The following DACH1 variants were observed in gnomAD, a reference collection of about 807,000 sequenced individuals.
DACH1 encodes dachshund family transcription factor 1.
In DACH1, 12 loss-of-function variants were observed where a neutral mutation model predicts 54.2. That is an observed-to-expected ratio of 0.22 (90% confidence interval 0.14 to 0.36). The LOEUF (loss-of-function observed/expected upper bound fraction) is 0.36, where lower values mean the gene tolerates loss of function less well. Ranked by LOEUF, DACH1 falls within the 10% of genes least tolerant of loss-of-function variation. The pLI, the probability that DACH1 is intolerant of heterozygous loss-of-function variation, is 1.00. For synonymous variants in DACH1, 386 were observed against 366.2 expected (o/e 1.05, Z -0.62); for missense variants, 805 against 929.8 (o/e 0.87, Z 1.75).
chr13:71,581,563 ATTC>A (rs1176887688), intron 3 of DACH1, among the ~76,000 whole-genome samples: 2 of 152,180 alleles, frequency 1.3e-5, no homozygotes, highest in Non-Finnish European at 2.9e-5. Context: ...CCTAATTATT[ATTC>A]TTAACTGTAA....
chr13:71,523,085 G>A (rs1881718656), intron 6 of DACH1, among the ~76,000 whole-genome samples: 1 of 152,058 alleles, frequency 6.6e-6, no homozygotes, highest in Non-Finnish European at 1.5e-5. Context: ...CTCATTTCCA[G>A]GTTATTTTTT....
chr13:71,699,715 A>G (rs1160890456), intron 1 of DACH1, among the ~76,000 whole-genome samples: 2 of 152,240 alleles, frequency 1.3e-5, no homozygotes, highest in Non-Finnish European at 2.9e-5. Context: ...GTCTTCACAC[A>G]AAACTTTTCA....
intron 1 of DACH1, among the ~76,000 whole-genome samples, chr13:71,695,242 A>T (rs546982593): frequency 4.6e-5 from 7 of 152,294 alleles, no homozygotes; most frequent in African/African-American, 1.7e-4. Context: ...AGGACCTTAG[A>T]TCTGATGACT....
intron 1 of DACH1, among the ~76,000 whole-genome samples, chr13:71,735,890 A>T (rs4884957): frequency 0.015 from 2,322 of 152,014 alleles, 41 homozygotes; most frequent in African/African-American, 0.04. Context: ...AAGGATTTGA[A>T]CCAGATTGTG....
chr13:71,442,247 T>C (rs1220186051), intron 10 of DACH1, among the ~76,000 whole-genome samples: 1 of 152,108 alleles, frequency 6.6e-6, no homozygotes, highest in East Asian at 1.9e-4. Context: ...ACAAATTTAA[T>C]GGTTTTAATT....
rs138298351 is a variant in DACH1, at chr13:71,459,989, T to C, written c.2083+15152A>G. On this transcript the variant is annotated intron_variant, in intron 10 of 10. Coordinates refer to ENST00000613252, the MANE Select transcript of DACH1 (RefSeq NM_080759.6). ...ATAAAATAACATGCAAAGGAACCAC[T>C]AGGCTATGAGAATTCACAGCCCTTC... Among the ~76,000 whole-genome samples the C allele has an allele frequency of 2.0e-4, 31 of 152,158 alleles. No homozygotes were observed. The East Asian group carries it at 6.0e-3, about 29-fold the overall frequency.
chr13:71,636,873 A>G (rs1377673993), intron 2 of DACH1, among the ~76,000 whole-genome samples: 2 of 152,190 alleles, frequency 1.3e-5, no homozygotes, highest in Admixed American at 1.3e-4. Flanking sequence ...TCATATTACT[A>G]TCTGAATTAT....
chr13:71,659,233 A>C (rs1176032595), intron 2 of DACH1, among the ~76,000 whole-genome samples: 1 of 152,166 alleles, frequency 6.6e-6, no homozygotes, highest in Non-Finnish European at 1.5e-5. Flanking sequence ...GAATACAAAG[A>C]GTGTCATAAT....
chr13:71,450,081 G>A (rs1321555505), intron 10 of DACH1, among the ~76,000 whole-genome samples: 2 of 151,728 alleles, frequency 1.3e-5, no homozygotes, highest in Non-Finnish European at 1.5e-5. Context: ...CTGAGAACAA[G>A]AGATCATCTA....
chr13:71,756,910 TTGTGAGAATGACATAGTGAA>T (rs1249412397), intron 1 of DACH1, among the ~76,000 whole-genome samples: 1 of 152,180 alleles, frequency 6.6e-6, no homozygotes, highest in Non-Finnish European at 1.5e-5. Flanking sequence ...TGTTGTTCAC[TTGTGAGAATGACATAGTGAA>T]TGTAAAGGAT....
In DACH1 at chr13:71,438,035, G is replaced by A. The variant is rs751897683; in HGVS notation, c.*2620C>T. ...AAAATTAAATACAATAACAGTAAAC[G>A]TGGTTCTCACATTGAAACCAGGCTC... On this transcript the variant is annotated 3_prime_UTR_variant, in exon 11 of 11. Transcript: ENST00000613252. 10 of 152,338 alleles carry A rather than the reference G, an allele frequency of 6.6e-5. No individual in the cohort carries two copies. Among genetic ancestry groups the A allele is most frequent in the Admixed American group, 6.6e-5 (1 of 15,250 alleles). 9.4% of individuals were successfully genotyped at this position (152,338 alleles called of 1,614,324 possible). A position where few individuals can be genotyped will look rare whatever the true frequency, so the allele number is the denominator to read the frequency against.
At chr13:71,539,865 T>C (rs575448505) in intron 6 of DACH1, among the ~76,000 whole-genome samples, 1 of 152,142 alleles carries the variant, frequency 6.6e-6, no homozygotes, top group South Asian at 2.1e-4. Flanking sequence ...AAGAATGCGG[T>C]CATGAAAGAA....
At chr13:71,829,646 G>A (rs1261885608) in intron 1 of DACH1, among the ~76,000 whole-genome samples, 1 of 151,860 alleles carries the variant, frequency 6.6e-6, no homozygotes, top group African/African-American at 2.4e-5. Flanking sequence ...TTTCATCAAA[G>A]CCTAATGGTT....
chr13:71,734,887 A>ATATCCCATATACATATACGTG (rs1883936842), intron 1 of DACH1, among the ~76,000 whole-genome samples: 1 of 143,176 alleles, frequency 7.0e-6, no homozygotes, highest in African/African-American at 2.8e-5. Context: ...ACATATACGT[A>ATATCCCATATACATATACGTG]TATCCCATAT....
In DACH1 at chr13:71,866,776, A is replaced by G; in HGVS notation, c.-7T>C. On this transcript the variant is annotated 5_prime_UTR_variant, in exon 1 of 11. An upstream start codon of the reference 5' UTR is lost. Coordinates refer to ENST00000613252, the MANE Select transcript of DACH1 (RefSeq NM_080759.6). Reference sequence around the variant, plus strand: ...AAGCCGCCGGCACTGCCATGGTCACATATAAGGGGAAACAGACGGAGGAGA... The same window carrying G: ...AAGCCGCCGGCACTGCCATGGTCACGTATAAGGGGAAACAGACGGAGGAGA... 3.0e-6 allele frequency: 4 copies of G among 1,333,620 alleles called. No homozygotes were observed. The highest frequency in any genetic ancestry group is 3.9e-6 in the Non-Finnish European group (4 of 1,032,984). The allele number at this position is 1,333,620 out of a possible 1,614,324, so 82.6% of individuals were successfully genotyped here. A position where few individuals can be genotyped will look rare whatever the true frequency, so the allele number is the denominator to read the frequency against.
chr13:71,455,775 C>G (rs1354225458), intron 10 of DACH1, among the ~76,000 whole-genome samples: 1 of 151,978 alleles, frequency 6.6e-6, no homozygotes. Context: ...ATTTAGTGTT[C>G]CTGAGAACTT....
intron 4 of DACH1, among the ~76,000 whole-genome samples, chr13:71,562,223 C>A (rs781311307): frequency 2.0e-5 from 3 of 151,982 alleles, no homozygotes; most frequent in Non-Finnish European, 4.4e-5. Flanking sequence ...CTTAATTGAT[C>A]GGGGTTAACA....
In DACH1 at chr13:71,440,668, G is replaced by C. The variant is rs745799335; in HGVS notation, c.2108C>G (p.Thr703Ser). The C allele has an allele frequency of 2.4e-5, 38 of 1,605,312 alleles. No individual in the cohort carries two copies. The highest frequency in any genetic ancestry group is 3.2e-5 in the Non-Finnish European group (38 of 1,175,550). ...IQDGRLYLKT[T>S]VMY ...AACAGGAAAGATTCAGTACATGACAGTAGTTTTCAAATACAGTCTTCCATC... is the reference window on the plus strand; with the variant it reads ...AACAGGAAAGATTCAGTACATGACACTAGTTTTCAAATACAGTCTTCCATC... The change falls in exon 11 of 11, where the codon ACT (threonine) becomes AGT (serine). Residue 703 changes from threonine (T) to serine (S), a missense_variant. Thr to Ser is a moderately conservative substitution (Grantham distance 58). Coordinates refer to ENST00000613252, the MANE Select transcript of DACH1 (RefSeq NM_080759.6).
At chr13:71,689,856 C>A (rs570006507) in intron 1 of DACH1, among the ~76,000 whole-genome samples, 1 of 152,080 alleles carries the variant, frequency 6.6e-6, no homozygotes, top group Non-Finnish European at 1.5e-5. Context: ...CCCTCGCCCT[C>A]GCCCCTAAAG....
Sources: allele counts gnomAD v4.1 joint callset (sites outside exome capture counted in the v4.1 genomes callset), GRCh38; gene constraint gnomAD v4.1.1; transcripts MANE v1.5; gene names NCBI Gene and HGNC (gene_info 2026-07-23, HGNC 2026-07-21).